HTR2C: variants seen among roughly 807,000 people sequenced by gnomAD.
The protein encoded by HTR2C is 5-hydroxytryptamine receptor 2C.
Under a neutral mutation model 21.0 loss-of-function variants are expected in HTR2C, and 5 were observed. That is an observed-to-expected ratio of 0.24 (90% CI 0.12 to 0.50). The LOEUF (loss-of-function observed/expected upper bound fraction) is 0.50. Among genes scored for constraint, HTR2C ranks in the 20% least tolerant of loss-of-function variants. The probability of loss-of-function intolerance (pLI) is 0.98; values close to 1 mark genes in which losing one functional copy is unlikely to be tolerated. For missense variants in HTR2C, 271 were observed against 371.2 expected (o/e 0.73, Z 2.22); for synonymous variants, 150 against 145.3 (o/e 1.03, Z -0.23).
intron 2 of HTR2C, among the ~76,000 whole-genome samples, chrX:114,668,744 T>A (rs1436733245): frequency 9.0e-6 from 1 of 111,060 alleles, no homozygotes; most frequent in Non-Finnish European, 1.9e-5. Flanking sequence ...ACCCTCCTGC[T>A]TTGGAGGATC....
chrX:114,704,858 G>A (rs372709933), intron 2 of HTR2C, among the ~76,000 whole-genome samples: 14,286 of 106,280 alleles, frequency 0.13, 929 homozygotes, highest in South Asian at 0.3. Flanking sequence ...CTTCAGCAAA[G>A]TCTCAGGATA....
At chrX:114,900,160 T>A (rs1216977861) in intron 5 of HTR2C, among the ~76,000 whole-genome samples, 1 of 111,676 alleles carries the variant, frequency 9.0e-6, no homozygotes, top group Non-Finnish European at 1.9e-5. Flanking sequence ...AACTAAAAAC[T>A]TAAAACTGCC....
chrX:114,880,883 C>T (rs1158776319), intron 5 of HTR2C, among the ~76,000 whole-genome samples: 3 of 111,226 alleles, frequency 2.7e-5, no homozygotes, highest in Non-Finnish European at 5.7e-5. Context: ...GCTATGAACA[C>T]TAATCAAAGA....
At chrX:114,806,154 A>G (rs2070427048) in intron 4 of HTR2C, among the ~76,000 whole-genome samples, 3 of 100,069 alleles carry the variant, frequency 3.0e-5, no homozygotes, top group African/African-American at 1.1e-4. Context: ...CTATATATAC[A>G]CCATATGTAT....
At chrX:114,865,652 G>A (rs2071039711) in intron 5 of HTR2C, among the ~76,000 whole-genome samples, 1 of 110,843 alleles carries the variant, frequency 9.0e-6, no homozygotes, top group Non-Finnish European at 1.9e-5. Context: ...ATTTTTTTAT[G>A]AGCATATTGA....
chrX:114,883,070 C>CT (rs1312379130), intron 5 of HTR2C, among the ~76,000 whole-genome samples: 2 of 109,719 alleles, frequency 1.8e-5, no homozygotes, highest in Admixed American at 9.8e-5. Flanking sequence ...GTCACATTGT[C>CT]TTTTTTTGAG....
intron 4 of HTR2C, among the ~76,000 whole-genome samples, chrX:114,799,727 T>C (rs2070328108): frequency 2.7e-5 from 3 of 110,717 alleles, no homozygotes; most frequent in Admixed American, 9.7e-5. Flanking sequence ...ATTTTCTAGG[T>C]TCTAGAAAAT....
At chrX:114,783,854 T>C (rs1031437981) in intron 4 of HTR2C, among the ~76,000 whole-genome samples, 3 of 111,472 alleles carry the variant, frequency 2.7e-5, no homozygotes, top group African/African-American at 9.8e-5. Flanking sequence ...AAAATCATAT[T>C]GAAAATTAGA....
chrX:114,695,692 G>A (rs1401666174), intron 2 of HTR2C, among the ~76,000 whole-genome samples: 2 of 111,593 alleles, frequency 1.8e-5, no homozygotes, highest in Non-Finnish European at 3.8e-5. Context: ...GTAAACACTA[G>A]CTGGGAACCA....
chrX:114,870,093 A>AT (rs111579225), intron 5 of HTR2C, among the ~76,000 whole-genome samples: 1,593 of 99,036 alleles, frequency 0.016, 26 homozygotes, highest in African/African-American at 0.043. Flanking sequence ...TATTATTATT[A>AT]TTATTTTTTT....
intron 2 of HTR2C, among the ~76,000 whole-genome samples, chrX:114,710,914 A>G (rs1429183862): frequency 9.0e-6 from 1 of 111,681 alleles, no homozygotes; most frequent in Non-Finnish European, 1.9e-5. Context: ...AAATATTGGC[A>G]TGAGCTGGAT....
At chrX:114,589,504 A>C (rs1365533183) in intron 1 of HTR2C, 1 of 120,402 alleles carries the variant, frequency 8.3e-6, no homozygotes, top group Non-Finnish European at 1.7e-5. Flanking sequence ...TTTATATAAT[A>C]TTGCCTACTT....
At chrX:114,764,061 CT>C (rs1347144887) in intron 4 of HTR2C, among the ~76,000 whole-genome samples, 1 of 111,628 alleles carries the variant, frequency 9.0e-6, no homozygotes, top group East Asian at 2.8e-4. Flanking sequence ...AGTCTTCTAC[CT>C]CTGGTTATCC....
At chrX:114,725,410 C>T (rs1933416156) in intron 2 of HTR2C, among the ~76,000 whole-genome samples, 2 of 110,890 alleles carry the variant, frequency 1.8e-5, no homozygotes, top group South Asian at 3.9e-4. Flanking sequence ...TCTAGTTATA[C>T]ATTCTTCTAA....
chrX:114,814,841 A>AT (rs1262871998), intron 4 of HTR2C, among the ~76,000 whole-genome samples: 1 of 101,504 alleles, frequency 9.9e-6, no homozygotes, highest in African/African-American at 3.5e-5. Flanking sequence ...ACTATAGAAT[A>AT]TATATTATAA....
chrX:114,661,692 T>C (rs190715180), intron 2 of HTR2C, among the ~76,000 whole-genome samples: 167 of 110,599 alleles, frequency 1.5e-3, no homozygotes, highest in Non-Finnish European at 2.4e-3. Context: ...AAATAATTAT[T>C]TTGGCACCTA....
At chrX:114,652,182 GA>G in intron 2 of HTR2C, among the ~76,000 whole-genome samples, 1 of 111,209 alleles carries the variant, frequency 9.0e-6, no homozygotes, top group Admixed American at 9.6e-5. Context: ...TTTGAAATAG[GA>G]AAAAAAATTT....
intron 4 of HTR2C, among the ~76,000 whole-genome samples, chrX:114,752,719 C>T (rs1448884908): frequency 9.1e-5 from 10 of 110,488 alleles, no homozygotes; most frequent in African/African-American, 3.3e-4. Flanking sequence ...AGAACGCAAC[C>T]ACAGATGTTC....
At chrX:114,702,809 G>A (rs1323960118) in intron 2 of HTR2C, among the ~76,000 whole-genome samples, 1 of 106,572 alleles carries the variant, frequency 9.4e-6, no homozygotes, top group African/African-American at 3.4e-5. Flanking sequence ...CTGTATTCAG[G>A]AAACCCATCT....
Sources: gnomAD v4.1 joint callset for allele counts (sites outside exome capture counted in the v4.1 genomes callset) on GRCh38, gnomAD v4.1.1 for gene constraint, MANE v1.5 for transcripts, NCBI Gene and HGNC (gene_info 2026-07-23, HGNC 2026-07-21) for gene names.